Variants in ZFHX3 observed in about 807,000 individuals in gnomAD.
ZFHX3 encodes zinc finger homeobox 3, also known as zinc finger homeobox protein 3.
In ZFHX3, 42 loss-of-function variants were observed where a neutral mutation model predicts 279.1. That is an observed-to-expected ratio of 0.15 (90% CI 0.12 to 0.19). The LOEUF is 0.19. ZFHX3 is among the 10% of genes least tolerant of loss of function. The pLI, the probability that ZFHX3 is intolerant of heterozygous loss-of-function variation, is 1.00. For synonymous variants in ZFHX3, 2,293 were observed against 1,957.8 expected, an observed-to-expected ratio of 1.17 and a Z score of -4.52; for missense variants, 4,981 against 4,754.0, an observed-to-expected ratio of 1.05 and a Z score of -1.40.
intron 1 of ZFHX3, among the ~76,000 whole-genome samples, chr16:72,994,459 G>C (rs1963205108): frequency 6.6e-6 from 1 of 152,216 alleles, no homozygotes; most frequent in African/African-American, 2.4e-5. Flanking sequence ...AGCTGAAATT[G>C]AGTCCATATT....
intron 3 of ZFHX3, chr16:73,401,892 G>T (rs1194966059): frequency 6.6e-6 from 1 of 152,156 alleles, no homozygotes; most frequent in Non-Finnish European, 1.5e-5. Context: ...ACTCCATAGA[G>T]ATTTGTAGAT....
At chr16:73,880,049 C>T (rs1021074245) in intron 1 of ZFHX3, among the ~76,000 whole-genome samples, 9 of 152,244 alleles carry the variant, frequency 5.9e-5, no homozygotes, top group East Asian at 1.9e-4. Context: ...GTGGAATCGG[C>T]GTGAATGGGA....
At chr16:73,315,593 C>T (rs878869897) in intron 4 of ZFHX3, among the ~76,000 whole-genome samples, 1 of 151,424 alleles carries the variant, frequency 6.6e-6, no homozygotes, top group African/African-American at 2.4e-5. Context: ...TGCCATGGGA[C>T]CAGGTATTGA....
At chr16:73,422,665 T>C (rs1283449665) in intron 3 of ZFHX3, among the ~76,000 whole-genome samples, 1 of 152,152 alleles carries the variant, frequency 6.6e-6, no homozygotes, top group Non-Finnish European at 1.5e-5. Flanking sequence ...GGCATTCACA[T>C]TTCCTCTCAA....
chr16:73,735,803 C>T (rs548531782), intron 1 of ZFHX3, among the ~76,000 whole-genome samples: 156 of 152,100 alleles, frequency 1.0e-3, no homozygotes, highest in Non-Finnish European at 2.0e-3. Context: ...TCCCATCATC[C>T]CCTTCTCTGT....
intron 2 of ZFHX3, among the ~76,000 whole-genome samples, chr16:73,612,921 G>T (rs1008509311): frequency 1.3e-5 from 2 of 151,824 alleles, no homozygotes; most frequent in African/African-American, 4.8e-5. Flanking sequence ...GATTTAGGAT[G>T]GTTAAAAAAA....
In ZFHX3 at chr16:73,260,680, G is replaced by GTTTTT. The variant is rs370384540; in HGVS notation, c.-1193-3549_-1193-3545dup. Among the ~76,000 whole-genome samples, 525 of 88,370 alleles carry GTTTTT rather than the reference G, an allele frequency of 5.9e-3. 18 individuals carry two copies. Among genetic ancestry groups the GTTTTT allele is most frequent in the Non-Finnish European group, 8.9e-3 (416 of 46,678 alleles). 58.0% of individuals were successfully genotyped at this position (88,370 alleles called of 152,430 possible). ...TCTTTGTTAGTGGTGCACCTATCTG[G>GTTTTT]TTTTTTTTTTTTTTTTTTTTTTTTT... On this transcript the variant is annotated intron_variant, in intron 4 of 17. Transcript: ENST00000641206.
Position 72,788,682 on chromosome 16 carries a change from C to G in ZFHX3, c.9594G>C (p.Gln3198His). ...MAMGPQQPPQ[Q>H]QQQQQQPQVQ... ...CCTGTGGTTGCTGCTGCTGCTGCTG[C>G]TGCTGGGGGGGTTGCTGAGGGCCCA... The change falls in exon 10 of 10, where the codon CAG becomes CAC. Residue 3198 changes from glutamine (Q) to histidine (H), a missense_variant. By Grantham distance (24) the Gln-to-His change is conservative. This residue lies in a region of ZFHX3 where 1,034 missense variants were observed against 786.0 expected (regional missense o/e 1.32). Coordinates refer to ENST00000268489, the MANE Select transcript of ZFHX3 (RefSeq NM_006885.4). 1 of 1,610,296 alleles carries G rather than the reference C, an allele frequency of 6.2e-7. No individual in the cohort carries two copies. Among genetic ancestry groups the G allele is most frequent in the African/African-American group, 1.3e-5 (1 of 74,898 alleles).
intron 5 of ZFHX3, among the ~76,000 whole-genome samples, chr16:73,172,766 T>C (rs951164013): frequency 3.3e-5 from 5 of 152,114 alleles, no homozygotes. Context: ...TTGGACCAGC[T>C]ATAAGCAAGG....
intron 4 of ZFHX3, among the ~76,000 whole-genome samples, chr16:73,261,668 GTTTTTTTTTTTT>G (rs1187489542): frequency 2.5e-5 from 2 of 80,716 alleles, no homozygotes; most frequent in Non-Finnish European, 4.5e-5. Context: ...TCCTGTGATT[GTTTTTTTTTTTT>G]TTTTTTTTTT....
intron 8 of ZFHX3, among the ~76,000 whole-genome samples, chr16:73,070,763 C>T (rs2144754574): frequency 6.6e-6 from 1 of 151,984 alleles, no homozygotes; most frequent in East Asian, 1.9e-4. Flanking sequence ...CCCCAGGCCG[C>T]CTGCATTCCG....
At chr16:73,306,568 C>T (rs149062604) in intron 4 of ZFHX3, among the ~76,000 whole-genome samples, 5,113 of 152,298 alleles carry the variant, frequency 0.034, 257 homozygotes, top group African/African-American at 0.1. Context: ...AATGATCCAC[C>T]TGCCTTGGCC....
intron 4 of ZFHX3, among the ~76,000 whole-genome samples, chr16:73,313,686 A>C (rs1382688470): frequency 5.9e-5 from 9 of 152,204 alleles, no homozygotes; most frequent in Admixed American, 5.2e-4. Context: ...CCCAGTCATA[A>C]AAATGGCACA....
Position 73,580,347 on chromosome 16 carries a change from G to A in ZFHX3, c.-1547+99833C>T, listed in dbSNP as rs183210729. 8.0e-4 allele frequency among the ~76,000 whole-genome samples: 122 copies of A among 151,952 alleles called. No homozygotes were observed. In the East Asian group the frequency reaches 0.019, roughly 24 times the overall value. On this transcript the variant is annotated intron_variant, in intron 2 of 17. Transcript: ENST00000641206. ...ACAAAAATTAGCTGGGTGCGGCGGC[G>A]CACGCCTGTAGTCCCAACTGCTCGG...
At chr16:72,804,530 G>A (rs2036205064) in intron 7 of ZFHX3, among the ~76,000 whole-genome samples, 1 of 152,000 alleles carries the variant, frequency 6.6e-6, no homozygotes, top group East Asian at 1.9e-4. Flanking sequence ...ACTAGGAGAG[G>A]TAACATATAG....
chr16:72,820,190 C>T (rs1807630079), intron 5 of ZFHX3, among the ~76,000 whole-genome samples: 1 of 152,160 alleles, frequency 6.6e-6, no homozygotes, highest in East Asian at 1.9e-4. Flanking sequence ...CTGGCAGGCT[C>T]TGGAAGCCTC....
At chr16:73,627,553 G>A (rs2052429118) in intron 2 of ZFHX3, among the ~76,000 whole-genome samples, 1 of 152,168 alleles carries the variant, frequency 6.6e-6, no homozygotes, top group Admixed American at 6.5e-5. Flanking sequence ...AGAAAAACCT[G>A]CAATGGGTAC....
intron 2 of ZFHX3, among the ~76,000 whole-genome samples, chr16:73,661,000 C>T (rs1257411339): frequency 2.0e-5 from 3 of 152,158 alleles, no homozygotes; most frequent in African/African-American, 7.2e-5. Flanking sequence ...TCCAATGATT[C>T]TAAAATCCTC....
intron 7 of ZFHX3, among the ~76,000 whole-genome samples, chr16:72,805,841 C>T (rs907821778): frequency 3.3e-5 from 5 of 152,122 alleles, no homozygotes; most frequent in African/African-American, 9.7e-5. Context: ...TGGGCCATGG[C>T]GTCTTTTTAA....
Sources: allele counts gnomAD v4.1 joint callset (sites outside exome capture counted in the v4.1 genomes callset), GRCh38; gene constraint gnomAD v4.1.1; regional missense constraint gnomAD v4.1.1; transcripts MANE v1.5; gene names NCBI Gene and HGNC (gene_info 2026-07-23, HGNC 2026-07-21).